Variants in ATG7 observed in about 807,000 individuals in gnomAD.
ATG7 encodes the protein ubiquitin-like modifier-activating enzyme ATG7.
Under a neutral mutation model 82.4 loss-of-function variants are expected in ATG7, and 70 were observed. That is an observed-to-expected ratio of 0.85 (90% CI 0.70 to 1.04). The LOEUF (loss-of-function observed/expected upper bound fraction) is 1.04, where lower values mean the gene tolerates loss of function less well. Ranked by LOEUF, ATG7 falls within the 50% of genes least tolerant of loss-of-function variation. The pLI is 0.00. For missense variants in ATG7, 792 were observed against 864.3 expected, an observed-to-expected ratio of 0.92 and a Z score of 1.05; for synonymous variants, 287 against 313.0, an observed-to-expected ratio of 0.92 and a Z score of 0.88.
intron 1 of ATG7, among the ~76,000 whole-genome samples, chr3:11,274,674 C>G (rs1448657910): frequency 6.6e-6 from 1 of 152,128 alleles, no homozygotes; most frequent in Non-Finnish European, 1.5e-5. Flanking sequence ...AGCTGCGTAC[C>G]AATATTCCCA....
intron 9 of ATG7, among the ~76,000 whole-genome samples, chr3:11,327,757 A>G (rs898040731): frequency 2.6e-5 from 4 of 152,214 alleles, no homozygotes; most frequent in Non-Finnish European, 4.4e-5. Context: ...TTCAAGTTTG[A>G]GATCCACGGC....
At chr3:11,304,469 GACCCCCAA>G (rs1947382713) in intron 5 of ATG7, 3 of 92,626 alleles carry the variant, frequency 3.2e-5, no homozygotes, top group Non-Finnish European at 4.5e-5. Flanking sequence ...CCCCCAACAT[GACCCCCAA>G]CTGACTGTGA....
chr3:11,454,486 G>C (rs1263296948), intron 20 of ATG7, among the ~76,000 whole-genome samples: 1 of 152,230 alleles, frequency 6.6e-6, no homozygotes, highest in Admixed American at 6.5e-5. Context: ...GCCAGTTTGA[G>C]TATGGAGACC....
chr3:11,452,668 C>T (rs2085310144), intron 20 of ATG7, among the ~76,000 whole-genome samples: 1 of 152,080 alleles, frequency 6.6e-6, no homozygotes, highest in Non-Finnish European at 1.5e-5. Flanking sequence ...TCACCCAGGC[C>T]TGAGATCCAT....
chr3:11,354,642 C>T (rs1288636891), intron 14 of ATG7, among the ~76,000 whole-genome samples: 2 of 119,300 alleles, frequency 1.7e-5, no homozygotes, highest in Admixed American at 9.0e-5. Flanking sequence ...AGTGAGACTC[C>T]ATCTCACCAA....
chr3:11,458,525 A>G (rs981982763), intron 20 of ATG7, among the ~76,000 whole-genome samples: 1 of 152,104 alleles, frequency 6.6e-6, no homozygotes, highest in African/African-American at 2.4e-5. Context: ...GGCATCCCAA[A>G]GTGCCGGGAT....
At chr3:11,332,490 A>G (rs982273376) in intron 10 of ATG7, among the ~76,000 whole-genome samples, 6 of 152,196 alleles carry the variant, frequency 3.9e-5, no homozygotes, top group Non-Finnish European at 7.3e-5. Flanking sequence ...GATAAATTAT[A>G]GATTGTTCTC....
chr3:11,559,898 G>C (rs920654874), downstream of ATG7, among the ~76,000 whole-genome samples: 1 of 151,984 alleles, frequency 6.6e-6, no homozygotes, highest in African/African-American at 2.4e-5. Context: ...GCAATTAACT[G>C]GAAGCATTTT....
chr3:11,570,323 C>G, the ATG7 span, among the ~76,000 whole-genome samples: 2 of 152,162 alleles, frequency 1.3e-5, no homozygotes, highest in African/African-American at 4.8e-5. Context: ...CACCCACCTT[C>G]CTGCCCCAAC....
rs1208293977 is a variant in ATG7, at chr3:11,374,898, A to G, written c.1876-5074A>G. Among the ~76,000 whole-genome samples the G allele has an allele frequency of 6.0e-3, 199 of 33,092 alleles. 2 individuals carry two copies. The highest frequency in any genetic ancestry group is 0.014 in the African/African-American group (185 of 13,370). The allele number at this position is 33,092 out of a possible 152,430, so 21.7% of individuals were successfully genotyped here. ...CAGCCTGGGCAACAGAGCTCAAAAA[A>G]AAAAAAAAAAAAAAAAAAAAAAAGT... is the stretch of plus-strand genomic sequence containing the variant. On this transcript the variant is annotated intron_variant, in intron 18 of 20. Transcript: ENST00000693202.
the ATG7 span, among the ~76,000 whole-genome samples, chr3:11,571,561 T>C: frequency 6.6e-6 from 1 of 151,610 alleles, no homozygotes; most frequent in Non-Finnish European, 1.5e-5. Context: ...GCGCCTGTAA[T>C]CCCAGCTACT....
In ATG7 at chr3:11,376,895, C is replaced by T. The variant is rs1575833156; in HGVS notation, c.1876-3077C>T. The stretch of plus-strand genomic sequence containing the variant: ...CTGGGACTACAGGTGCCGACTACCA[C>T]GCCCAGCTAATTTTTTTGTATTTTT... On this transcript the variant is annotated intron_variant, in intron 18 of 20. Coordinates refer to ENST00000693202, the MANE Select transcript of ATG7 (RefSeq NM_001349232.2). 2.6e-5 allele frequency among the ~76,000 whole-genome samples: 4 copies of T among 152,264 alleles called. No homozygotes were observed. The South Asian group carries it at 8.3e-4, about 32-fold the overall frequency.
chr3:11,367,147 C>A (rs2076679411), intron 18 of ATG7, among the ~76,000 whole-genome samples: 1 of 152,010 alleles, frequency 6.6e-6, no homozygotes, highest in Non-Finnish European at 1.5e-5. Context: ...CAACTTTTTT[C>A]CCCCTAAGTG....
At chr3:11,472,088 C>G (rs2087607346) in intron 20 of ATG7, among the ~76,000 whole-genome samples, 1 of 152,112 alleles carries the variant, frequency 6.6e-6, no homozygotes, top group Admixed American at 6.5e-5. Flanking sequence ...TTATATTAGT[C>G]TCTTTTGTTT....
intron 14 of ATG7, chr3:11,348,337 T>G (rs1236984888): frequency 1.4e-5 from 4 of 289,732 alleles, no homozygotes; most frequent in Non-Finnish European, 6.5e-6. Flanking sequence ...TTACAGCTCT[T>G]AAAGATGATG....
rs181848983 is a variant in ATG7, at chr3:11,320,174, C to G, written c.678+4681C>G. On this transcript the variant is annotated intron_variant, in intron 9 of 20. Coordinates refer to ENST00000693202, the MANE Select transcript of ATG7 (RefSeq NM_001349232.2). ...TTCTTTACTTCTACCCCTCCCTCCC[C>G]CTACCTCCCCTTTGCTCCGTTAAGT... Among the ~76,000 whole-genome samples the G allele has an allele frequency of 1.0e-3, 154 of 152,298 alleles. 1 individual carries two copies. Among genetic ancestry groups the G allele is most frequent in the African/African-American group, 2.9e-3 (122 of 41,562 alleles).
At chr3:11,450,745 C>A (rs1340164647) in intron 20 of ATG7, among the ~76,000 whole-genome samples, 1 of 152,196 alleles carries the variant, frequency 6.6e-6, no homozygotes, top group African/African-American at 2.4e-5. Context: ...GGCCCTGCTA[C>A]CGTTTGTGAA....
the ATG7 span, chr3:11,564,958 C>CT: frequency 6.4e-7 from 1 of 1,559,680 alleles, no homozygotes; most frequent in Non-Finnish European, 8.7e-7. Flanking sequence ...ACAGCGCGCT[C>CT]GATGGGGCTG....
intron 20 of ATG7, among the ~76,000 whole-genome samples, chr3:11,523,969 G>T (rs759296194): frequency 3.1e-4 from 47 of 152,298 alleles, no homozygotes; most frequent in Non-Finnish European, 4.9e-4. Flanking sequence ...GAGCCATTGC[G>T]CTCTGCATGT....
Sources: gnomAD v4.1 joint callset for allele counts (sites outside exome capture counted in the v4.1 genomes callset) on GRCh38, gnomAD v4.1.1 for gene constraint, MANE v1.5 for transcripts, NCBI Gene and HGNC (gene_info 2026-07-23, HGNC 2026-07-21) for gene names.